SHQ1: variants seen among roughly 807,000 people sequenced by gnomAD.
The protein encoded by SHQ1 is SHQ1, H/ACA ribonucleoprotein assembly factor.
SHQ1 carries 49 observed loss-of-function variants against 53.8 expected under a neutral mutation model. That is an observed-to-expected ratio of 0.91 (90% CI 0.72 to 1.16). The LOEUF (loss-of-function observed/expected upper bound fraction) is 1.16, where lower values mean the gene tolerates loss of function less well. Among genes scored for constraint, SHQ1 ranks in the 50% most tolerant of loss-of-function variants. The pLI is 0.00. For synonymous variants in SHQ1, 243 were observed against 251.0 expected, an observed-to-expected ratio of 0.97 and a Z score of 0.30; for missense variants, 738 against 683.1, an observed-to-expected ratio of 1.08 and a Z score of -0.90.
At chr3:72,791,951 A>C (rs181097342) in intron 10 of SHQ1, among the ~76,000 whole-genome samples, 1 of 152,372 alleles carries the variant, frequency 6.6e-6, no homozygotes, top group Non-Finnish European at 1.5e-5. Flanking sequence ...ATAAAAATTC[A>C]CTGCATTTTA....
At chr3:72,759,510 G>A (rs1042978076) in intron 10 of SHQ1, among the ~76,000 whole-genome samples, 1 of 152,224 alleles carries the variant, frequency 6.6e-6, no homozygotes, top group Admixed American at 6.5e-5. Flanking sequence ...GGCCAACATG[G>A]GGAAATCCTG....
chr3:72,817,134 A>G (rs973642550), intron 7 of SHQ1, 96 bp downstream of exon 7: 20 of 1,324,900 alleles, frequency 1.5e-5, no homozygotes, highest in Non-Finnish European at 2.0e-5. Context: ...ATAACTGATC[A>G]CCACCAGTTC....
At chr3:72,804,303 T>C (rs1012673536) in intron 9 of SHQ1, among the ~76,000 whole-genome samples, 1 of 152,142 alleles carries the variant, frequency 6.6e-6, no homozygotes, top group African/African-American at 2.4e-5. Context: ...TTTTGAACTT[T>C]TAAGTTCAGA....
intron 5 of SHQ1, among the ~76,000 whole-genome samples, chr3:72,829,810 T>C (rs551962292): frequency 6.6e-6 from 1 of 152,316 alleles, no homozygotes; most frequent in South Asian, 2.1e-4. Context: ...TTCTTTTGTT[T>C]TCTCCCAAAG....
chr3:72,754,293 C>G (rs543572230), intron 10 of SHQ1, among the ~76,000 whole-genome samples: 1 of 152,210 alleles, frequency 6.6e-6, no homozygotes, highest in South Asian at 2.1e-4. Flanking sequence ...GAAACCCAAG[C>G]CTCAAAACTC....
At chr3:72,845,445 A>G (rs894411641) in intron 1 of SHQ1, among the ~76,000 whole-genome samples, 2 of 151,806 alleles carry the variant, frequency 1.3e-5, no homozygotes, top group African/African-American at 4.8e-5. Context: ...ATCATTTGCC[A>G]CTGCACTCCA....
rs1301633831 is a variant in SHQ1 at position 72,848,186 on chromosome 3, C to T, written c.143+12G>A. On this transcript the variant is annotated intron_variant, in intron 1 of 10. Coordinates refer to ENST00000325599, the MANE Select transcript of SHQ1 (RefSeq NM_018130.3). ...AATGCGCCTTTCCTGCGGCCAGGCA[C>T]CCCGAACTCGCCTGAGAAAGTATGG... 2.5e-6 allele frequency: 4 copies of T among 1,614,138 alleles called. No individual in the cohort carries two copies. The South Asian group carries it at 4.4e-5, about 18-fold the overall frequency.
chr3:72,773,244 A>G (rs1705892361), intron 10 of SHQ1: 1 of 688,968 alleles, frequency 1.5e-6, no homozygotes, highest in Admixed American at 1.9e-5. Context: ...AAAGAGTTAG[A>G]AGGAGAATGA....
At chr3:72,820,543 G>A (rs750700178) in intron 6 of SHQ1, among the ~76,000 whole-genome samples, 7 of 152,146 alleles carry the variant, frequency 4.6e-5, no homozygotes, top group Non-Finnish European at 7.3e-5. Context: ...TATTAGAGCT[G>A]TAAATCATAT....
At chr3:72,840,713 C>T (rs1424719698) in intron 4 of SHQ1, among the ~76,000 whole-genome samples, 1 of 152,140 alleles carries the variant, frequency 6.6e-6, no homozygotes, top group Non-Finnish European at 1.5e-5. Flanking sequence ...AGTACATGAT[C>T]TCACTTTTCA....
chr3:72,748,090 A>T (rs1483299553), downstream of SHQ1, among the ~76,000 whole-genome samples: 1 of 151,908 alleles, frequency 6.6e-6, no homozygotes, highest in Non-Finnish European at 1.5e-5. Context: ...CTCATAATTC[A>T]TAAGGCATGG....
At chr3:72,765,558 T>TATATATATATATA (rs1491541493) in intron 10 of SHQ1, among the ~76,000 whole-genome samples, 2 of 63,518 alleles carry the variant, frequency 3.1e-5, no homozygotes, top group African/African-American at 1.1e-4. Flanking sequence ...TATATATATA[T>TATATATATATATA]TTTTTTTTTT....
At chr3:72,764,668 G>T (rs1218113804) in intron 10 of SHQ1, among the ~76,000 whole-genome samples, 2 of 152,206 alleles carry the variant, frequency 1.3e-5, no homozygotes, top group Non-Finnish European at 2.9e-5. Flanking sequence ...AGGAGCAGCA[G>T]CATCATCTTG....
chr3:72,763,757 C>A (rs955091926), intron 10 of SHQ1, among the ~76,000 whole-genome samples: 2 of 152,126 alleles, frequency 1.3e-5, no homozygotes, highest in Admixed American at 6.6e-5. Context: ...ACTGCTGAAG[C>A]CAGCAGAGAG....
Position 72,753,095 on chromosome 3 carries a change from T to C in SHQ1, c.1182-2259A>G, listed in dbSNP as rs186959572. On this transcript the variant is annotated intron_variant, in intron 10 of 10. Transcript: ENST00000325599. ...CTAAAAGAACCAACATGACACAAAC[T>C]GGCATTCTCCAAAGATGACTACTAT... 8.1e-6 allele frequency: 8 copies of C among 985,456 alleles called. No individual in the cohort carries two copies. The East Asian group carries it at 3.4e-4, about 42-fold the overall frequency. The allele number at this position is 985,456 out of a possible 1,614,324, so 61.0% of individuals were successfully genotyped here.
rs965597268 is a variant in SHQ1 at position 72,826,493 on chromosome 3, T to C, written c.600-1942A>G. Among the ~76,000 whole-genome samples the C allele has an allele frequency of 9.2e-5, 14 of 152,366 alleles. No homozygotes were observed. In the East Asian group the frequency reaches 2.7e-3, roughly 29 times the overall value. On this transcript the variant is annotated intron_variant, in intron 5 of 10. Transcript: ENST00000325599. ...AGTACTGACATTGTCCCATGTTCCA[T>C]GATCCATGTTAGGCACTGGAGTTCC...
At chr3:72,795,920 T>C (rs558082075) in intron 9 of SHQ1, among the ~76,000 whole-genome samples, 2 of 151,980 alleles carry the variant, frequency 1.3e-5, no homozygotes, top group Admixed American at 1.3e-4. Context: ...TTGGCCAGCA[T>C]GGTGAAACCC....
chr3:72,751,932 T>C (rs1304868152), intron 10 of SHQ1, among the ~76,000 whole-genome samples: 1 of 151,724 alleles, frequency 6.6e-6, no homozygotes, highest in Non-Finnish European at 1.5e-5. Context: ...AAATGGAAAA[T>C]GTATATACCC....
chr3:72,753,032 C>T (rs1705422686), intron 10 of SHQ1: 4 of 985,216 alleles, frequency 4.1e-6, no homozygotes, highest in Middle Eastern at 5.2e-4. Flanking sequence ...ATAAACTTTT[C>T]CATTATTAAC....
Sources: gnomAD v4.1 joint callset for allele counts (sites outside exome capture counted in the v4.1 genomes callset) on GRCh38, gnomAD v4.1.1 for gene constraint, MANE v1.5 for transcripts, NCBI Gene and HGNC (gene_info 2026-07-23, HGNC 2026-07-21) for gene names.